Variants in ZNF536 observed in about 807,000 individuals in gnomAD.
The protein encoded by ZNF536 is zinc finger protein 536.
ZNF536 carries 13 observed loss-of-function variants against 84.5 expected under a neutral mutation model. That is an observed-to-expected ratio of 0.15 (90% CI 0.10 to 0.24). The LOEUF is 0.24. Ranked by LOEUF, ZNF536 falls within the 10% of genes least tolerant of loss-of-function variation. The pLI, the probability that ZNF536 is intolerant of heterozygous loss-of-function variation, is 1.00. For missense variants in ZNF536, 1,536 were observed against 1,747.5 expected (o/e 0.88, Z 2.16); for synonymous variants, 811 against 742.5 (o/e 1.09, Z -1.50).
chr19:30,689,149 G>T (rs1427597394), intron 1 of ZNF536, among the ~76,000 whole-genome samples: 1 of 152,236 alleles, frequency 6.6e-6, no homozygotes, highest in African/African-American at 2.4e-5. Flanking sequence ...CTTGTTCCAG[G>T]CTACGCAGCT....
At chr19:30,388,674 G>C (rs901823173) in intron 1 of ZNF536, among the ~76,000 whole-genome samples, 6 of 152,216 alleles carry the variant, frequency 3.9e-5, no homozygotes, top group African/African-American at 1.2e-4. Flanking sequence ...GCATGCCAAG[G>C]CTGTTGGGAG....
chr19:30,599,099 C>T (rs1330262291), intron 1 of ZNF536, among the ~76,000 whole-genome samples: 3 of 134,176 alleles, frequency 2.2e-5, no homozygotes, highest in Non-Finnish European at 4.8e-5. Context: ...TCCTCTCTCT[C>T]TCCTTTCCTC....
At chr19:30,689,610 C>A (rs2051329134) in intron 1 of ZNF536, among the ~76,000 whole-genome samples, 1 of 152,196 alleles carries the variant, frequency 6.6e-6, no homozygotes, top group South Asian at 2.1e-4. Context: ...CTCAAAGGTA[C>A]ATGGCCCTGG....
chr19:30,543,697 A>T (rs1599749070), intron 3 of ZNF536, among the ~76,000 whole-genome samples: 1 of 152,122 alleles, frequency 6.6e-6, no homozygotes, highest in Non-Finnish European at 1.5e-5. Flanking sequence ...TGTAGACCGC[A>T]CCCCGGAGCC....
intron 1 of ZNF536, chr19:30,668,699 T>G (rs2050424577): frequency 6.7e-6 from 1 of 150,368 alleles, no homozygotes; most frequent in Non-Finnish European, 1.5e-5. Context: ...CGGGTCATAT[T>G]TGCCACACCC....
intron 1 of ZNF536, among the ~76,000 whole-genome samples, chr19:30,674,346 G>A (rs2050675824): frequency 6.6e-6 from 1 of 152,240 alleles, no homozygotes; most frequent in South Asian, 2.1e-4. Context: ...GGGAGTGGTT[G>A]CATAGAGTCA....
chr19:30,559,833 C>T (rs534779071), downstream of ZNF536, among the ~76,000 whole-genome samples: 4 of 152,266 alleles, frequency 2.6e-5, 1 homozygote, highest in South Asian at 4.1e-4. Context: ...GGCCCAATCC[C>T]CCTAACGGGA....
chr19:30,438,234 C>A (rs2051846149), intron 1 of ZNF536, among the ~76,000 whole-genome samples: 1 of 152,106 alleles, frequency 6.6e-6, no homozygotes, highest in Admixed American at 6.5e-5. Context: ...ATTTTATCAA[C>A]CCTCCCTCCC....
At chr19:30,240,850 A>G (rs1164294637) in intron 1 of ZNF536, among the ~76,000 whole-genome samples, 1 of 152,208 alleles carries the variant, frequency 6.6e-6, no homozygotes. Context: ...GACAGTAGGA[A>G]CTGCTGCGGC....
intron 1 of ZNF536, among the ~76,000 whole-genome samples, chr19:30,269,760 G>A (rs912442740): frequency 3.3e-5 from 5 of 152,098 alleles, no homozygotes; most frequent in East Asian, 1.9e-4. Flanking sequence ...TTGGTCCCCC[G>A]CCTCGGCTTG....
At position 30,662,010 on chromosome 19, in the gene ZNF536, G is replaced by A. The variant is rs529307123; in HGVS notation, c.170-48747G>A. Among the ~76,000 whole-genome samples, 13 of 152,160 alleles carry A rather than the reference G, an allele frequency of 8.5e-5. No homozygotes were observed. In the South Asian group the frequency reaches 1.9e-3, roughly 22 times the overall value. ...TGTGTTTGAATAACCATCCCCTGAC[G>A]ACCTTGAAATTAACATAACTTAATA... On this transcript the variant is annotated intron_variant, in intron 1 of 1. Coordinates refer to the ZNF536 transcript ENST00000592773.
chr19:30,438,217 A>G (rs979709773), intron 1 of ZNF536, among the ~76,000 whole-genome samples: 2 of 152,092 alleles, frequency 1.3e-5, no homozygotes, highest in East Asian at 3.9e-4. Flanking sequence ...ATTGTACCCT[A>G]TAGGTAATTT....
intron 1 of ZNF536, among the ~76,000 whole-genome samples, chr19:30,564,969 G>A (rs900549726): frequency 6.6e-6 from 1 of 152,124 alleles, no homozygotes; most frequent in African/African-American, 2.4e-5. Context: ...GCAGGGCTGT[G>A]ATTAAGAAGG....
Position 30,358,108 on chromosome 19 carries a change from G to C in ZNF536, c.-3+5624G>C, listed in dbSNP as rs138478842. On this transcript the variant is annotated intron_variant, in intron 3 of 5. Transcript: ENST00000585628. ...AGTTTAGGCCTCTTTCCCTTGGGCA[G>C]TGCAGGTATTATTGCCAAGTGGTAC... Among the ~76,000 whole-genome samples the C allele has an allele frequency of 6.8e-3, 1,035 of 152,278 alleles. 12 individuals carry two copies. The highest frequency in any genetic ancestry group is 0.023 in the African/African-American group (975 of 41,544).
At chr19:30,346,238 A>G (rs2146632542) in intron 2 of ZNF536, among the ~76,000 whole-genome samples, 1 of 152,342 alleles carries the variant, frequency 6.6e-6, no homozygotes, top group South Asian at 2.1e-4. Context: ...TTATCAGCTC[A>G]TATGGGAGAA....
At chr19:30,582,552 G>A (rs1396579132) in intron 1 of ZNF536, among the ~76,000 whole-genome samples, 2 of 151,620 alleles carry the variant, frequency 1.3e-5, no homozygotes, top group East Asian at 3.9e-4. Context: ...CATTATGCCA[G>A]GCTAATTTTT....
intron 2 of ZNF536, among the ~76,000 whole-genome samples, chr19:30,306,237 A>G (rs1329344092): frequency 6.9e-6 from 1 of 144,008 alleles, no homozygotes; most frequent in African/African-American, 2.6e-5. Flanking sequence ...TACACTGGTC[A>G]GACTTCAGCT....
chr19:30,530,722 G>A (rs572723553), intron 2 of ZNF536, among the ~76,000 whole-genome samples: 1 of 152,294 alleles, frequency 6.6e-6, no homozygotes, highest in Non-Finnish European at 1.5e-5. Context: ...ATAAACCAGT[G>A]ACTGCTTTCT....
intron 1 of ZNF536, among the ~76,000 whole-genome samples, chr19:30,642,137 C>T (rs2049289081): frequency 6.6e-6 from 1 of 152,120 alleles, no homozygotes; most frequent in African/African-American, 2.4e-5. Flanking sequence ...TGAGCTGAAT[C>T]CTATTTTAGA....
Sources: allele counts gnomAD v4.1 joint callset (sites outside exome capture counted in the v4.1 genomes callset), GRCh38; gene constraint gnomAD v4.1.1; transcripts MANE v1.5; gene names NCBI Gene and HGNC (gene_info 2026-07-23, HGNC 2026-07-21).